Variants in UTRN observed in about 807,000 individuals in gnomAD.
The protein encoded by UTRN is utrophin.
Under a neutral mutation model 463.9 loss-of-function variants are expected in UTRN, and 283 were observed. That is an observed-to-expected ratio of 0.61 (90% confidence interval 0.55 to 0.67). The LOEUF (loss-of-function observed/expected upper bound fraction) is 0.67. UTRN is among the 30% of genes least tolerant of loss of function. The pLI, the probability that UTRN is intolerant of heterozygous loss-of-function variation, is 0.00. For synonymous variants in UTRN, 1,442 were observed against 1,431.5 expected (o/e 1.01, Z -0.17); for missense variants, 3,922 against 4,084.3 (o/e 0.96, Z 1.08).
At chr6:144,542,314 C>A (rs145878126) in intron 45 of UTRN, among the ~76,000 whole-genome samples, 3 of 152,090 alleles carry the variant, frequency 2.0e-5, no homozygotes, top group African/African-American at 7.2e-5. Flanking sequence ...ATGTTTTGGG[C>A]AGTCTTTAGC....
intron 2 of UTRN, among the ~76,000 whole-genome samples, chr6:144,329,589 A>T (rs976391947): frequency 6.6e-6 from 1 of 152,150 alleles, no homozygotes; most frequent in Non-Finnish European, 1.5e-5. Context: ...TTGTAAGGTG[A>T]TGTGAAAATG....
chr6:144,732,245 T>TATATATATATATATATAC (rs1788678740), intron 54 of UTRN, among the ~76,000 whole-genome samples: 1 of 108,420 alleles, frequency 9.2e-6, no homozygotes, highest in African/African-American at 5.5e-5. Flanking sequence ...TATACATATA[T>TATATATATATATATATAC]ATATATATAT....
At position 144,678,559 on chromosome 6, in the gene UTRN, G is replaced by A. The variant is rs776142341; in HGVS notation, c.7633G>A (p.Ala2545Thr). ...DMNQRWNDLK[A>T]KSASIRAHLE... ...GAACCAAAGATGGAATGACTTAAAA[G>A]CAAAATCTGCTAGCATCAGGTCAGA... The change falls in exon 52 of 75, where the codon GCA (alanine) becomes ACA (threonine). Residue 2545 changes from alanine to threonine, a missense_variant. Coordinates refer to ENST00000367545, the MANE Select transcript of UTRN (RefSeq NM_007124.3). 2 of 1,610,842 alleles carry A rather than the reference G, an allele frequency of 1.2e-6. No homozygotes were observed. Among genetic ancestry groups the A allele is most frequent in the South Asian group, 2.2e-5 (2 of 90,740 alleles).
At chr6:144,714,067 T>A (rs1786094321) in intron 53 of UTRN, among the ~76,000 whole-genome samples, 1 of 152,226 alleles carries the variant, frequency 6.6e-6, no homozygotes, top group Non-Finnish European at 1.5e-5. Context: ...CAAAATGAAT[T>A]TTGTATATTA....
At chr6:144,454,382 T>C (rs1206886691) in intron 19 of UTRN, among the ~76,000 whole-genome samples, 1 of 152,198 alleles carries the variant, frequency 6.6e-6, no homozygotes, top group Non-Finnish European at 1.5e-5. Flanking sequence ...AAGACTTTTT[T>C]TTTTGCTGTA....
In UTRN at chr6:144,716,659, A is replaced by G. The variant is rs112880678; in HGVS notation, c.7810-13698A>G. Among the ~76,000 whole-genome samples, 1,237 of 152,324 alleles carry G rather than the reference A, an allele frequency of 8.1e-3. 12 individuals are homozygous for G. Among genetic ancestry groups the G allele is most frequent in the African/African-American group, 0.027 (1,103 of 41,564 alleles). On this transcript the variant is annotated intron_variant, in intron 53 of 74. Transcript: ENST00000367545. ...TATTACAGAGTTTATGAAATAAAGA[A>G]TAAAAACATGGCCATAATTTTATCA...
chr6:144,763,632 A>G (rs1423740658), intron 58 of UTRN, among the ~76,000 whole-genome samples: 1 of 152,174 alleles, frequency 6.6e-6, no homozygotes, highest in East Asian at 1.9e-4. Flanking sequence ...TACAGAAGAA[A>G]TAGTCCTTCC....
At chr6:144,413,272 A>ATAAGGGCATAGC (rs1176260985) in intron 3 of UTRN, among the ~76,000 whole-genome samples, 6 of 152,318 alleles carry the variant, frequency 3.9e-5, no homozygotes, top group Admixed American at 3.3e-4. Flanking sequence ...TGTAACTGTT[A>ATAAGGGCATAGC]TAAGGGCATA....
chr6:144,730,245 G>C, intron 53 of UTRN, 112 bp from the exon 54 acceptor site: 1 of 1,187,690 alleles, frequency 8.4e-7, no homozygotes, highest in Non-Finnish European at 1.1e-6. Flanking sequence ...TGAAATGCTT[G>C]CTATTAGTCA....
At chr6:144,484,718 C>T (rs1218155162) in intron 27 of UTRN, among the ~76,000 whole-genome samples, 1 of 152,008 alleles carries the variant, frequency 6.6e-6, no homozygotes, top group African/African-American at 2.4e-5. Flanking sequence ...GCTGAGATTA[C>T]AGGTGTGAAC....
At chr6:144,537,838 T>C (rs1161814023) in intron 44 of UTRN, 121 bp downstream of exon 44, 1 of 1,377,384 alleles carries the variant, frequency 7.3e-7, no homozygotes, top group Non-Finnish European at 9.9e-7. Flanking sequence ...GTAAATGTGG[T>C]GAACCTGAAA....
At chr6:144,371,720 T>C (rs1180464555) in intron 2 of UTRN, among the ~76,000 whole-genome samples, 1 of 152,230 alleles carries the variant, frequency 6.6e-6, no homozygotes, top group African/African-American at 2.4e-5. Flanking sequence ...AGATTAACTT[T>C]TATATTTCAC....
At chr6:144,499,805 C>T (rs1794009073) in intron 34 of UTRN, among the ~76,000 whole-genome samples, 1 of 152,128 alleles carries the variant, frequency 6.6e-6, no homozygotes, top group African/African-American at 2.4e-5. Flanking sequence ...GTTTATCGTT[C>T]CCTTCTTTAT....
chr6:144,339,144 GA>G (rs1776948097), intron 2 of UTRN, among the ~76,000 whole-genome samples: 1 of 152,160 alleles, frequency 6.6e-6, no homozygotes, highest in Non-Finnish European at 1.5e-5. Flanking sequence ...GAAACTCTTT[GA>G]CATGTGTTTA....
intron 53 of UTRN, among the ~76,000 whole-genome samples, chr6:144,705,099 A>T (rs948661796): frequency 1.3e-5 from 2 of 152,204 alleles, no homozygotes; most frequent in African/African-American, 4.8e-5. Flanking sequence ...TCTGTAATGT[A>T]GATAATCTAC....
intron 27 of UTRN, among the ~76,000 whole-genome samples, chr6:144,484,873 C>T (rs985808963): frequency 6.6e-6 from 1 of 152,052 alleles, no homozygotes; most frequent in African/African-American, 2.4e-5. Context: ...ACTCTTTGCT[C>T]CCCACCCTTC....
At chr6:144,395,606 A>C (rs1322025130) in intron 2 of UTRN, among the ~76,000 whole-genome samples, 1 of 152,206 alleles carries the variant, frequency 6.6e-6, no homozygotes, top group East Asian at 1.9e-4. Context: ...GAAGTAAATA[A>C]ACTAAAATTA....
intron 51 of UTRN, among the ~76,000 whole-genome samples, chr6:144,658,023 G>C (rs1361200942): frequency 6.6e-6 from 1 of 152,132 alleles, no homozygotes; most frequent in Non-Finnish European, 1.5e-5. Flanking sequence ...GTTCCCTGTG[G>C]CCACTTTCTC....
intron 2 of UTRN, among the ~76,000 whole-genome samples, chr6:144,352,439 G>A (rs1778188297): frequency 6.6e-6 from 1 of 152,124 alleles, no homozygotes; most frequent in Non-Finnish European, 1.5e-5. Context: ...CATAGTGATG[G>A]TATTTAAAGA....
Sources: allele counts gnomAD v4.1 joint callset (sites outside exome capture counted in the v4.1 genomes callset), GRCh38; gene constraint gnomAD v4.1.1; transcripts MANE v1.5; gene names NCBI Gene and HGNC (gene_info 2026-07-23, HGNC 2026-07-21).